ATP7B: variants seen among roughly 807,000 people sequenced by gnomAD.
The protein encoded by ATP7B is ATPase copper transporting beta.
ATP7B carries 113 observed loss-of-function variants against 118.9 expected under a neutral mutation model. The observed-to-expected ratio is 0.95, with a 90% CI of 0.82 to 1.11. ATP7B has a LOEUF of 1.11. Among genes scored for constraint, ATP7B ranks in the 50% most tolerant of loss-of-function variants. ATP7B has a pLI of 0.00. For synonymous variants in ATP7B, 777 were observed against 727.4 expected (o/e 1.07, Z -1.10); for missense variants, 1,867 against 1,871.4 (o/e 1.00, Z 0.04).
At chr13:51,990,360 A>G (rs1337179505) in intron 1 of ATP7B, among the ~76,000 whole-genome samples, 2 of 152,170 alleles carry the variant, frequency 1.3e-5, no homozygotes, top group African/African-American at 4.8e-5. Context: ...AACCATCTCA[A>G]TATTCTTCTA....
chr13:51,934,940 C>G lies in ATP7B; in HGVS notation c.4214G>C (p.Gly1405Ala). 1.2e-6 allele frequency: 2 copies of G among 1,614,106 alleles called. No individual in the cohort carries two copies. Among genetic ancestry groups the G allele is most frequent in the Non-Finnish European group, 1.7e-6 (2 of 1,180,044 alleles). ...LTASQVSVHIGMDDRWRDSPR... is the reference protein window; with the variant it reads ...LTASQVSVHIAMDDRWRDSPR... ...GGAGTCCCGCCACCTGTCATCCATG[C>G]CTATGTGCACACTGACCTGGGATGC... Residue 1405 changes from glycine (G) to alanine (A), a missense_variant, in exon 21 of 21, where the codon GGC becomes GCC. By Grantham distance (60) the Gly-to-Ala change is moderately conservative. Coordinates refer to ENST00000242839, the MANE Select transcript of ATP7B (RefSeq NM_000053.4).
chr13:51,999,398 T>C (rs1953378764), intron 1 of ATP7B, among the ~76,000 whole-genome samples: 1 of 152,170 alleles, frequency 6.6e-6, no homozygotes, highest in Non-Finnish European at 1.5e-5. Context: ...TATCAGCTTA[T>C]TAACAGGAGA....
At chr13:51,957,851 A>C in intron 8 of ATP7B, 1 of 537,752 alleles carries the variant, frequency 1.9e-6, no homozygotes, top group Non-Finnish European at 3.4e-6. Context: ...ACTGGAAACA[A>C]ACATCAGTCT....
At chr13:52,007,630 C>A (rs1160835759) in intron 1 of ATP7B, among the ~76,000 whole-genome samples, 1 of 152,174 alleles carries the variant, frequency 6.6e-6, no homozygotes, top group Non-Finnish European at 1.5e-5. Context: ...AATTCCGACA[C>A]CAACCATCTG....
chr13:51,973,866 A>G (rs1197893162), intron 2 of ATP7B, 69 bp downstream of exon 2: 1 of 1,602,396 alleles, frequency 6.2e-7, no homozygotes, highest in Non-Finnish European at 8.5e-7. Context: ...CTATACCACC[A>G]TCCAGGAGCT....
In ATP7B at chr13:51,961,753, G is replaced by A. The variant is rs1427465408; in HGVS notation, c.1946+84C>T. ...ATCCAGGAGGAAGGCACCATGGGAA[G>A]ACAAGACCAGCTGGCAGAGTTGGGC... On this transcript the variant is annotated intron_variant, in intron 6 of 20. Transcript: ENST00000242839. The A allele has an allele frequency of 3.0e-6, 4 of 1,346,314 alleles. No homozygotes were observed. The African/African-American group carries it at 5.8e-5, about 19-fold the overall frequency. The allele number at this position is 1,346,314 out of a possible 1,614,324, so 83.4% of individuals were successfully genotyped here.
In ATP7B at chr13:52,004,945, T is replaced by C. The variant is rs541889045; in HGVS notation, c.51+6342A>G. Among the ~76,000 whole-genome samples the C allele has an allele frequency of 2.6e-5, 4 of 152,346 alleles. No individual in the cohort carries two copies. In the East Asian group the frequency reaches 7.7e-4, roughly 29 times the overall value. ...AGCACCACATGGACACCAAGGTTTA[T>C]AGCCTGCACCTTCCAGAGCAGCAGC... is the stretch of plus-strand genomic sequence containing the variant. On this transcript the variant is annotated intron_variant, in intron 1 of 20. Coordinates refer to ENST00000242839, the MANE Select transcript of ATP7B (RefSeq NM_000053.4).
At chr13:51,978,998 G>A (rs1328676688) in intron 1 of ATP7B, 1 of 152,338 alleles carries the variant, frequency 6.6e-6, no homozygotes, top group East Asian at 1.9e-4. Flanking sequence ...TGTTGGCAGG[G>A]ACCCGGTTCT....
intron 1 of ATP7B, chr13:51,975,654 T>G: frequency 2.2e-6 from 1 of 461,934 alleles, no homozygotes; most frequent in South Asian, 1.5e-5. Flanking sequence ...ACCTTACTTC[T>G]ATATCTCTTT....
At chr13:51,965,385 C>CGGGG (rs1951496378) in intron 4 of ATP7B, among the ~76,000 whole-genome samples, 1 of 152,118 alleles carries the variant, frequency 6.6e-6, no homozygotes, top group Admixed American at 6.6e-5. Flanking sequence ...AATGCCTGTA[C>CGGGG]GGGGTTGTGC....
chr13:51,994,068 A>G (rs1953071797), intron 1 of ATP7B, among the ~76,000 whole-genome samples: 2 of 152,242 alleles, frequency 1.3e-5, no homozygotes, highest in African/African-American at 4.8e-5. Flanking sequence ...AAATGCCTCA[A>G]GCATTTTCAC....
intron 1 of ATP7B, among the ~76,000 whole-genome samples, chr13:51,993,915 C>T (rs530105068): frequency 7.9e-5 from 12 of 152,296 alleles, no homozygotes; most frequent in Admixed American, 6.5e-4. Context: ...GCCCTCCTTT[C>T]TGAAGAGGCT....
intron 8 of ATP7B, 95 bp from the exon 9 acceptor site, chr13:51,957,702 G>C: frequency 8.0e-7 from 1 of 1,255,356 alleles, no homozygotes; most frequent in Non-Finnish European, 1.2e-6. Context: ...GAGACAGCTG[G>C]TGCGAGAGAA....
At chr13:51,987,533 G>A (rs1376678249) in intron 1 of ATP7B, among the ~76,000 whole-genome samples, 1 of 152,138 alleles carries the variant, frequency 6.6e-6, no homozygotes, top group Non-Finnish European at 1.5e-5. Context: ...AACTACCACT[G>A]ACTTTCTTCA....
In ATP7B at chr13:51,974,339, T is replaced by C. The variant is rs1328482656; in HGVS notation, c.881A>G (p.Asn294Ser). Residue 294 changes from asparagine to serine, a missense_variant, in exon 2 of 21, where the codon AAC becomes AGC. Asn to Ser is a conservative substitution (Grantham distance 46, BLOSUM62 1). Transcript: ENST00000242839. Reference protein sequence around the residue: ...GVQSIQVSLENKTAQVKYDPS... With the variant: ...GVQSIQVSLESKTAQVKYDPS... ...GTCATACTTTACTTGGGCAGTTTTGTTCTCCAAGGACACTTGAATACTTTG... is the reference window on the plus strand; with the variant it reads ...GTCATACTTTACTTGGGCAGTTTTGCTCTCCAAGGACACTTGAATACTTTG... 6 of 1,613,994 alleles carry C rather than the reference T, an allele frequency of 3.7e-6. No individual in the cohort carries two copies. Among genetic ancestry groups the C allele is most frequent in the East Asian group, 2.2e-5 (1 of 44,894 alleles).
intron 1 of ATP7B, chr13:51,978,950 A>G (rs1952262907): frequency 1.3e-5 from 2 of 152,266 alleles, no homozygotes; most frequent in South Asian, 4.1e-4. Context: ...ATGGCTGCCA[A>G]GTGGATGCTT....
intron 9 of ATP7B, among the ~76,000 whole-genome samples, chr13:51,957,244 T>C (rs1958410043): frequency 6.6e-6 from 1 of 152,202 alleles, no homozygotes; most frequent in Non-Finnish European, 1.5e-5. Context: ...AAGTTTCCCT[T>C]GACCAACACT....
At chr13:51,958,795 A>C (rs1958530935) in intron 7 of ATP7B, 2 of 538,348 alleles carry the variant, frequency 3.7e-6, no homozygotes, top group African/African-American at 3.8e-5. Flanking sequence ...TCCTCTAATA[A>C]GAGAATGGTG....
At chr13:51,949,847 T>C (rs768550588) in intron 11 of ATP7B, 51 bp from the exon 12 acceptor site, 51 of 1,613,048 alleles carry the variant, frequency 3.2e-5, no homozygotes, top group Non-Finnish European at 3.6e-5. Context: ...TATGAAGAAA[T>C]AAAACACCAC....
Sources: gnomAD v4.1 joint callset for allele counts (sites outside exome capture counted in the v4.1 genomes callset) on GRCh38, gnomAD v4.1.1 for gene constraint, MANE v1.5 for transcripts, NCBI Gene and HGNC (gene_info 2026-07-23, HGNC 2026-07-21) for gene names.